Variants in MARCHF6 observed in about 807,000 individuals in gnomAD.
MARCHF6 encodes the protein E3 ubiquitin-protein ligase MARCHF6.
Under a neutral mutation model 133.7 loss-of-function variants are expected in MARCHF6, and 31 were observed. The ratio of observed to expected loss-of-function variants is 0.23; its 90% confidence interval spans 0.17 to 0.31. MARCHF6 has a LOEUF of 0.31. Among genes scored for constraint, MARCHF6 ranks in the 10% least tolerant of loss-of-function variants. The probability of loss-of-function intolerance (pLI) is 1.00; values close to 1 mark genes in which losing one functional copy is unlikely to be tolerated. For missense variants in MARCHF6, 723 were observed against 1,121.6 expected (o/e 0.64, Z 5.08); for synonymous variants, 395 against 402.5 (o/e 0.98, Z 0.22).
At chr5:10,366,943 C>T (rs1157018955) in intron 1 of MARCHF6, among the ~76,000 whole-genome samples, 1 of 152,194 alleles carries the variant, frequency 6.6e-6, no homozygotes, top group African/African-American at 2.4e-5. Flanking sequence ...TCACGACCCT[C>T]AGTCTTTCGG....
chr5:10,410,786 A>T (rs1204551034), intron 18 of MARCHF6, among the ~76,000 whole-genome samples: 1 of 152,142 alleles, frequency 6.6e-6, no homozygotes, highest in Non-Finnish European at 1.5e-5. Flanking sequence ...AGATTTGGTT[A>T]TATTTGCTTG....
At chr5:10,411,612 T>G (rs1033521611) in intron 19 of MARCHF6, 75 bp downstream of exon 19, 3 of 1,225,648 alleles carry the variant, frequency 2.4e-6, no homozygotes, top group Non-Finnish European at 3.4e-6. Flanking sequence ...TGTTGAGAAT[T>G]GGTGCTATTA....
At chr5:10,384,607 T>A (rs1288548500) in intron 4 of MARCHF6, among the ~76,000 whole-genome samples, 1 of 152,176 alleles carries the variant, frequency 6.6e-6, no homozygotes, top group Non-Finnish European at 1.5e-5. Context: ...TACCAAGGGA[T>A]GACAGTAGCC....
In MARCHF6 at chr5:10,436,159, G is replaced by T. The variant is rs376288809; in HGVS notation, c.*2475G>T. ...AGATCCTAGGCAGATACTTCAAAAG[G>T]TTAAAAATTCTTAATCCTACAGAAT... is the stretch of plus-strand genomic sequence containing the variant. On this transcript the variant is annotated 3_prime_UTR_variant, in exon 26 of 26. Transcript: ENST00000274140. 5 of 152,100 alleles carry T rather than the reference G, an allele frequency of 3.3e-5. No individual in the cohort carries two copies. Among genetic ancestry groups the T allele is most frequent in the African/African-American group, 9.7e-5 (4 of 41,414 alleles). 9.4% of individuals were successfully genotyped at this position (152,100 alleles called of 1,614,324 possible).
At chr5:10,415,733 C>T in intron 21 of MARCHF6, 64 bp downstream of exon 21, 11 of 1,394,170 alleles carry the variant, frequency 7.9e-6, no homozygotes, top group East Asian at 5.0e-5. Flanking sequence ...TTCCAGTCAT[C>T]TTAAATTTTT....
chr5:10,427,467 C>T (rs921408770), intron 24 of MARCHF6, among the ~76,000 whole-genome samples: 2 of 152,128 alleles, frequency 1.3e-5, no homozygotes, highest in African/African-American at 4.8e-5. Flanking sequence ...TCAGTTTGAC[C>T]TCACTCCATG....
At chr5:10,365,753 C>T (rs969866001) in intron 1 of MARCHF6, among the ~76,000 whole-genome samples, 1 of 152,172 alleles carries the variant, frequency 6.6e-6, no homozygotes, top group Non-Finnish European at 1.5e-5. Context: ...CAATTAAACA[C>T]TATCTACTTG....
chr5:10,431,892 T>C (rs1367433002), intron 25 of MARCHF6, among the ~76,000 whole-genome samples: 1 of 152,194 alleles, frequency 6.6e-6, no homozygotes, highest in Admixed American at 6.5e-5. Flanking sequence ...TGTGTATATT[T>C]TAGTAGATAT....
At chr5:10,404,228 C>A (rs1421469581) in intron 15 of MARCHF6, among the ~76,000 whole-genome samples, 2 of 151,798 alleles carry the variant, frequency 1.3e-5, no homozygotes, top group African/African-American at 2.4e-5. Flanking sequence ...CCACCATGCC[C>A]GGCTAATTTT....
chr5:10,394,694 TTAGAA>T (rs1274078490), intron 8 of MARCHF6, 54 bp from the exon 9 acceptor site: 12 of 1,358,812 alleles, frequency 8.8e-6, no homozygotes, highest in East Asian at 2.3e-5. Flanking sequence ...TTTTCATAAA[TTAGAA>T]TAGAAAGTTC....
chr5:10,369,504 ATAATT>A (rs1390573698), intron 1 of MARCHF6, among the ~76,000 whole-genome samples: 1 of 152,114 alleles, frequency 6.6e-6, no homozygotes, highest in African/African-American at 2.4e-5. Flanking sequence ...AAATTAAAGT[ATAATT>A]TAAATACAGT....
intron 6 of MARCHF6, among the ~76,000 whole-genome samples, chr5:10,390,823 A>C (rs575591908): frequency 2.6e-5 from 4 of 152,336 alleles, no homozygotes; most frequent in African/African-American, 9.6e-5. Context: ...ATGTATGTAT[A>C]TATGTATGTA....
At chr5:10,380,532 C>T (rs1000464934) in intron 3 of MARCHF6, among the ~76,000 whole-genome samples, 1 of 152,060 alleles carries the variant, frequency 6.6e-6, no homozygotes, top group African/African-American at 2.4e-5. Context: ...TTTCTTTTAT[C>T]TTTTGCAAAA....
chr5:10,382,866 A>G (rs114730589), intron 4 of MARCHF6, among the ~76,000 whole-genome samples: 2,249 of 152,264 alleles, frequency 0.015, 51 homozygotes, highest in African/African-American at 0.052. Context: ...TCATACATGT[A>G]ATGGTCATAA....
chr5:10,404,839 C>A (rs2567570), intron 15 of MARCHF6, among the ~76,000 whole-genome samples: 33,653 of 152,090 alleles, frequency 0.22, 5,464 homozygotes, highest in East Asian at 0.68. Context: ...TTTGAAACAA[C>A]TGATTGAGAA....
intron 18 of MARCHF6, among the ~76,000 whole-genome samples, 160 bp downstream of exon 18, chr5:10,410,436 A>AT (rs1331433875): frequency 1.3e-5 from 2 of 151,706 alleles, no homozygotes; most frequent in Non-Finnish European, 2.9e-5. Context: ...TCTAAATGAA[A>AT]TTTTTTTTTC....
intron 19 of MARCHF6, among the ~76,000 whole-genome samples, chr5:10,414,168 TG>T (rs1220339938): frequency 9.9e-5 from 15 of 152,248 alleles, no homozygotes; most frequent in Middle Eastern, 3.4e-3. Flanking sequence ...TTAAGGTGAA[TG>T]TTTTTTTTTT....
At chr5:10,396,072 G>A (rs1459080426) in intron 9 of MARCHF6, among the ~76,000 whole-genome samples, 1 of 152,244 alleles carries the variant, frequency 6.6e-6, no homozygotes, top group East Asian at 1.9e-4. Flanking sequence ...AAAAACCTTC[G>A]ACAGGATGAA....
Position 10,391,573 on chromosome 5 carries a change from TTGC to T in MARCHF6, c.614_616del (p.Ala205del). 6.2e-7 allele frequency: 1 copy of T among 1,611,790 alleles called. No individual in the cohort carries two copies. The highest frequency in any genetic ancestry group is 8.5e-7 in the Non-Finnish European group (1 of 1,179,172). Reference sequence around the variant, plus strand: ...GCAGGAGGAAATGGTGCAGAAAATGTTGCTGCTGATCAGCCTGCTAACCCACCA... The same window carrying T: ...GCAGGAGGAAATGGTGCAGAAAATGTTGCTGATCAGCCTGCTAACCCACCA... On this transcript the variant is annotated inframe_deletion, in exon 7 of 26. Transcript: ENST00000274140.
Sources: gnomAD v4.1 joint callset for allele counts (sites outside exome capture counted in the v4.1 genomes callset) on GRCh38, gnomAD v4.1.1 for gene constraint, MANE v1.5 for transcripts, NCBI Gene and HGNC (gene_info 2026-07-23, HGNC 2026-07-21) for gene names.